The following KCNAB2 variants were observed in gnomAD, a reference collection of about 807,000 sequenced individuals.
The protein encoded by KCNAB2 is voltage-gated potassium channel subunit beta-2.
KCNAB2 carries 29 observed loss-of-function variants against 63.6 expected under a neutral mutation model. That is an observed-to-expected ratio of 0.46 (90% CI 0.34 to 0.62). The LOEUF is 0.62. KCNAB2 is among the 20% of genes least tolerant of loss of function. The pLI is 0.01. For missense variants in KCNAB2, 359 were observed against 563.9 expected (o/e 0.64, Z 3.68); for synonymous variants, 222 against 224.2 (o/e 0.99, Z 0.09).
At chr1:6,016,784 G>A (rs909571270) in intron 1 of KCNAB2, among the ~76,000 whole-genome samples, 10 of 152,200 alleles carry the variant, frequency 6.6e-5, no homozygotes, top group African/African-American at 2.2e-4. Flanking sequence ...CTTGACCAGC[G>A]TCAACTGGAC....
At chr1:6,022,433 G>A (rs998247390) in intron 1 of KCNAB2, among the ~76,000 whole-genome samples, 3 of 151,664 alleles carry the variant, frequency 2.0e-5, no homozygotes, top group African/African-American at 4.9e-5. Context: ...CAGTGGTATC[G>A]AGTGTGTAAT....
chr1:6,069,372 C>T lies in KCNAB2; in HGVS notation c.219-3383C>T, dbSNP rs1008247790. ...GTCATTTCCCGGAGCCTTCCAGCTC[C>T]GGCCCTTCCCAAGTCTGAAGTGCAG... On this transcript the variant is annotated intron_variant, in intron 2 of 15. Transcript: ENST00000378083. The surrounding 1 kb of genome is among the most constrained non-coding windows in gnomAD (Gnocchi z 5.4). 5.3e-5 allele frequency among the ~76,000 whole-genome samples: 8 copies of T among 152,136 alleles called. No individual in the cohort carries two copies. Among genetic ancestry groups the T allele is most frequent in the African/African-American group, 1.4e-4 (6 of 41,422 alleles).
intron 1 of KCNAB2, among the ~76,000 whole-genome samples, chr1:6,029,278 T>C (rs1228711089): frequency 9.1e-6 from 1 of 109,326 alleles, no homozygotes; most frequent in African/African-American, 3.8e-5. Context: ...AGAGACTCCA[T>C]CTCAAAAAAA....
At chr1:6,090,342 G>A (rs757078888) in intron 8 of KCNAB2, 47 bp from the exon 9 acceptor site, 2 of 1,391,072 alleles carry the variant, frequency 1.4e-6, no homozygotes. Context: ...GGTGCCTGTG[G>A]AGATGGAGCC....
chr1:6,085,170 G>A (rs888195734), intron 5 of KCNAB2, 34 bp from the exon 6 acceptor site: 1 of 1,612,588 alleles, frequency 6.2e-7, no homozygotes, highest in Non-Finnish European at 8.5e-7. Flanking sequence ...TTTTCTGTTT[G>A]GCTGTGATGA....
chr1:6,084,770 CT>C (rs1664543277), intron 5 of KCNAB2, among the ~76,000 whole-genome samples: 1 of 98,708 alleles, frequency 1.0e-5, no homozygotes, highest in South Asian at 4.3e-4. Context: ...GAGCCGAGAT[CT>C]CGCCACTACA....
upstream of KCNAB2, among the ~76,000 whole-genome samples, chr1:6,042,688 G>A (rs115342628): frequency 0.037 from 5,663 of 152,292 alleles, 130 homozygotes; most frequent in South Asian, 0.1. Context: ...GGTATGCATT[G>A]CTGCATCTTG....
chr1:6,049,418 C>T (rs186809487), intron 1 of KCNAB2, among the ~76,000 whole-genome samples: 11 of 152,278 alleles, frequency 7.2e-5, no homozygotes, highest in Middle Eastern at 3.4e-3. Context: ...TGGATGATGG[C>T]GAGCGCCATG....
At chr1:6,007,521 C>CCGCGCCTCCTT (rs1553211375) in intron 1 of KCNAB2, 1 of 152,526 alleles carries the variant, frequency 6.6e-6, no homozygotes, top group South Asian at 2.0e-4. Flanking sequence ...TGCGCCTCCT[C>CCGCGCCTCCTT]CGCGCCTCCT....
intron 1 of KCNAB2, among the ~76,000 whole-genome samples, chr1:6,048,726 C>A (rs949422783): frequency 6.6e-6 from 1 of 152,236 alleles, no homozygotes; most frequent in African/African-American, 2.4e-5. Flanking sequence ...GCCCAGCTGG[C>A]CTTCTTTCTA....
chr1:6,026,598 G>C (rs1347629474), intron 1 of KCNAB2, among the ~76,000 whole-genome samples: 1 of 152,226 alleles, frequency 6.6e-6, no homozygotes, highest in African/African-American at 2.4e-5. Context: ...TGCCCGCCTA[G>C]GGATTGGCCT....
chr1:5,995,158 C>T (rs1280446394), intron 1 of KCNAB2, among the ~76,000 whole-genome samples: 2 of 152,110 alleles, frequency 1.3e-5, no homozygotes, highest in East Asian at 3.9e-4. Flanking sequence ...GTGGGCAGCT[C>T]GGGGCGGCAA....
intron 1 of KCNAB2, among the ~76,000 whole-genome samples, chr1:6,000,328 A>C (rs1209318357): frequency 6.6e-6 from 1 of 152,218 alleles, no homozygotes; most frequent in African/African-American, 2.4e-5. Flanking sequence ...TGCCCAAAAC[A>C]GGACTTGTAA....
At chr1:6,033,592 G>A (rs189825438), upstream of KCNAB2, among the ~76,000 whole-genome samples, 9 of 152,280 alleles carry the variant, frequency 5.9e-5, no homozygotes, top group Admixed American at 2.6e-4. Flanking sequence ...GTATGATTGC[G>A]ATCAAGAGTA....
At chr1:6,026,655 C>T (rs1031050731) in intron 1 of KCNAB2, among the ~76,000 whole-genome samples, 4 of 152,246 alleles carry the variant, frequency 2.6e-5, no homozygotes, top group East Asian at 1.9e-4. Context: ...CAACGCAGCC[C>T]GGCCCTTCAC....
Position 6,096,810 on chromosome 1 carries a change from T to C in KCNAB2, c.1069+54T>C. 6.7e-7 allele frequency: 1 copy of C among 1,496,176 alleles called. No individual in the cohort carries two copies. The highest frequency in any genetic ancestry group is 9.0e-7 in the Non-Finnish European group (1 of 1,114,798). The allele number at this position is 1,496,176 out of a possible 1,614,324, so 92.7% of individuals were successfully genotyped here. A position where few individuals can be genotyped will look rare whatever the true frequency, so the allele number is the denominator to read the frequency against. The stretch of plus-strand genomic sequence containing the variant: ...GCCCCTGGGGAGAACCTGCCCCAGC[T>C]GGCCGTAGGTAACAGGGTGGGGTTG... On this transcript the variant is annotated intron_variant, in intron 14 of 15. Transcript: ENST00000378083. This position sits in a 1 kb window ranked among gnomAD's most constrained non-coding sequence, Gnocchi z 5.9.
intron 1 of KCNAB2, among the ~76,000 whole-genome samples, chr1:6,029,078 A>G (rs2100375190): frequency 6.6e-6 from 1 of 152,234 alleles, no homozygotes; most frequent in African/African-American, 2.4e-5. Context: ...TCAGGAGATC[A>G]AGACCATCCT....
chr1:6,074,374 G>A lies in KCNAB2; in HGVS notation c.300+604G>A, dbSNP rs114638109. 2.6e-3 allele frequency among the ~76,000 whole-genome samples: 400 copies of A among 152,338 alleles called. 2 individuals are homozygous for A. The highest frequency in any genetic ancestry group is 8.9e-3 in the African/African-American group (368 of 41,576). ...CAGCTTGTATGCCGCCAGCGCCTCT[G>A]GGTCTCTCGGAAGGACAGGGACGGC... On this transcript the variant is annotated intron_variant, in intron 4 of 15. Transcript: ENST00000378083. This position sits in a 1 kb window ranked among gnomAD's most constrained non-coding sequence, Gnocchi z 4.9.
chr1:5,995,534 C>G (rs769806929), intron 1 of KCNAB2, among the ~76,000 whole-genome samples: 21 of 152,340 alleles, frequency 1.4e-4, no homozygotes, highest in Non-Finnish European at 2.5e-4. Flanking sequence ...GCTTTTGGGA[C>G]TGGGAGGTGC....
Sources: allele counts gnomAD v4.1 joint callset (sites outside exome capture counted in the v4.1 genomes callset), GRCh38; gene constraint gnomAD v4.1.1; non-coding constraint Gnocchi (gnomAD v3.1); transcripts MANE v1.5; gene names NCBI Gene and HGNC (gene_info 2026-07-23, HGNC 2026-07-21).